The following WDHD1 variants were observed in gnomAD, a reference collection of about 807,000 sequenced individuals.
WDHD1 encodes the protein WD repeat and HMG-box DNA-binding protein 1.
Under a neutral mutation model 135.4 loss-of-function variants are expected in WDHD1, and 111 were observed. That is an observed-to-expected ratio of 0.82 (90% confidence interval 0.70 to 0.96). The LOEUF (loss-of-function observed/expected upper bound fraction) is 0.96, where lower values mean the gene tolerates loss of function less well. WDHD1 is among the 40% of genes least tolerant of loss of function. WDHD1 has a pLI of 0.00. For synonymous variants in WDHD1, 434 were observed against 439.0 expected (o/e 0.99, Z 0.14); for missense variants, 1,351 against 1,336.3 (o/e 1.01, Z -0.17).
At chr14:54,945,407 G>A (rs1358424269) in intron 24 of WDHD1, among the ~76,000 whole-genome samples, 1 of 152,182 alleles carries the variant, frequency 6.6e-6, no homozygotes, top group Non-Finnish European at 1.5e-5. Flanking sequence ...ATAACACTAT[G>A]AGATGGATAC....
At chr14:54,989,313 GT>G (rs1248199529) in intron 12 of WDHD1, 101 bp from the exon 13 acceptor site, 2 of 891,564 alleles carry the variant, frequency 2.2e-6, no homozygotes, top group African/African-American at 3.4e-5. Context: ...AATTAAATTT[GT>G]ATTAAGATTT....
chr14:54,981,781 G>T (rs928579113), intron 15 of WDHD1, 85 bp from the exon 16 acceptor site: 1 of 788,476 alleles, frequency 1.3e-6, no homozygotes, highest in Non-Finnish European at 1.9e-6. Context: ...ACATACCAAG[G>T]ATTCAACTTT....
At chr14:54,957,926 C>A (rs2041187217) in intron 21 of WDHD1, among the ~76,000 whole-genome samples, 1 of 152,120 alleles carries the variant, frequency 6.6e-6, no homozygotes, top group Non-Finnish European at 1.5e-5. Flanking sequence ...GGTTAGTAAT[C>A]CCTTTACTTG....
At chr14:54,943,274 C>G (rs551092379) in intron 25 of WDHD1, among the ~76,000 whole-genome samples, 2 of 152,192 alleles carry the variant, frequency 1.3e-5, no homozygotes, top group African/African-American at 2.4e-5. Flanking sequence ...GAACACCAGT[C>G]TTTTTCCCAA....
intron 15 of WDHD1, 114 bp downstream of exon 15, chr14:54,984,607 AAT>A (rs1187593364): frequency 3.1e-5 from 28 of 903,060 alleles, no homozygotes; most frequent in Admixed American, 4.0e-5. Flanking sequence ...TAAAATATAA[AAT>A]AGAGATAATT....
In WDHD1 at chr14:54,995,592, C is replaced by A; in HGVS notation, c.1153+11G>T. 3 of 1,575,006 alleles carry A rather than the reference C, an allele frequency of 1.9e-6. No homozygotes were observed. The South Asian group carries it at 3.5e-5, about 18-fold the overall frequency. On this transcript the variant is annotated intron_variant, in intron 11 of 25. Transcript: ENST00000360586. ...AACAGGGTAATCACATGCACAAAGT[C>A]AAATTCTTACCAACTGAGTTTTCAT...
Position 55,008,650 on chromosome 14 carries a change from G to A in WDHD1, c.411C>T (p.Ala137=). The part of the protein sequence containing the change: ...SQQKTFRGHD[A]PVLSLSFDPK... ...GATCAAAGGAAAGACTTAAAACAGG[G>A]GCATCATGTCCTCGAAATGTTTTCT... The change falls in exon 5 of 26, where the codon GCC becomes GCT. Residue 137 remains alanine (A), a synonymous_variant. Transcript: ENST00000360586. The A allele has an allele frequency of 5.6e-6, 9 of 1,612,734 alleles. No individual in the cohort carries two copies. The highest frequency in any genetic ancestry group is 7.6e-6 in the Non-Finnish European group (9 of 1,179,666).
Position 55,008,535 on chromosome 14 carries a change from TAG to T in WDHD1, c.453+71_453+72del, listed in dbSNP as rs879117666. ...AAAGTTGAGTTAGCAGAAAATTTTT[TAG>T]AGAGTTAGTAGGAAATATATTTTTA... On this transcript the variant is annotated intron_variant, in intron 5 of 25. Coordinates refer to ENST00000360586, the MANE Select transcript of WDHD1 (RefSeq NM_007086.4). 4.7e-5 allele frequency: 70 copies of T among 1,479,872 alleles called. 1 individual carries two copies. In the Middle Eastern group the frequency reaches 1.7e-3, roughly 35 times the overall value. The allele number at this position is 1,479,872 out of a possible 1,614,324, so 91.7% of individuals were successfully genotyped here. A position where few individuals can be genotyped will look rare whatever the true frequency, so the allele number is the denominator to read the frequency against.
chr14:54,957,211 A>G lies in WDHD1; in HGVS notation c.2746-7T>C, dbSNP rs1171361632. On this transcript the variant is annotated splice_polypyrimidine_tract_variant and splice_region_variant and intron_variant, in intron 22 of 25. Coordinates refer to ENST00000360586, the MANE Select transcript of WDHD1 (RefSeq NM_007086.4). ...CTTTGGAACTGGCTGATACCTAAAG[A>G]GCAAACTAGTGTTAGCACTGTATGT... 6.2e-7 allele frequency: 1 copy of G among 1,612,768 alleles called. No individual in the cohort carries two copies. Among genetic ancestry groups the G allele is most frequent in the South Asian group, 1.1e-5 (1 of 90,864 alleles).
chr14:54,943,731 C>A (rs2040874523), intron 25 of WDHD1, among the ~76,000 whole-genome samples: 4 of 151,998 alleles, frequency 2.6e-5, no homozygotes, highest in Non-Finnish European at 5.9e-5. Context: ...TGCATCTTTT[C>A]TTGGGGTATT....
chr14:55,005,011 A>C, intron 7 of WDHD1: 2 of 544,822 alleles, frequency 3.7e-6, no homozygotes, highest in Non-Finnish European at 7.2e-6. Context: ...GGAGTAGTCC[A>C]TTCACCCTGA....
At chr14:55,000,697 T>G in intron 9 of WDHD1, 53 bp from the exon 10 acceptor site, 1 of 1,377,654 alleles carries the variant, frequency 7.3e-7, no homozygotes, top group Non-Finnish European at 9.5e-7. Context: ...ATATAAATTG[T>G]ACATTTCTTT....
At chr14:54,997,070 G>T (rs1369740562) in intron 10 of WDHD1, among the ~76,000 whole-genome samples, 1 of 147,012 alleles carries the variant, frequency 6.8e-6, no homozygotes, top group Non-Finnish European at 1.5e-5. Flanking sequence ...GATTACAGGC[G>T]TGAGCCACAG....
At chr14:55,016,086 T>C (rs1032914562) in intron 2 of WDHD1, among the ~76,000 whole-genome samples, 1 of 152,234 alleles carries the variant, frequency 6.6e-6, no homozygotes, top group African/African-American at 2.4e-5. Flanking sequence ...TGGAAAATTA[T>C]AGTGAAATAT....
At chr14:55,003,051 A>G (rs895713744) in intron 7 of WDHD1, among the ~76,000 whole-genome samples, 2 of 152,206 alleles carry the variant, frequency 1.3e-5, no homozygotes, top group African/African-American at 4.8e-5. Flanking sequence ...AAAAAATAAA[A>G]CTGTGTATTC....
chr14:54,982,615 C>A (rs985009887), intron 15 of WDHD1, among the ~76,000 whole-genome samples: 1 of 152,130 alleles, frequency 6.6e-6, no homozygotes, highest in African/African-American at 2.4e-5. Context: ...TGGCTTCACA[C>A]CCCCCTCACT....
intron 16 of WDHD1, among the ~76,000 whole-genome samples, chr14:54,980,587 T>G (rs898458753): frequency 2.0e-5 from 3 of 151,232 alleles, no homozygotes; most frequent in Admixed American, 1.3e-4. Context: ...GTGGATCACT[T>G]GAGGTCAAGA....
intron 24 of WDHD1, among the ~76,000 whole-genome samples, chr14:54,948,594 G>A (rs549964230): frequency 5.3e-5 from 8 of 152,316 alleles, no homozygotes; most frequent in African/African-American, 1.7e-4. Context: ...GCCGAACAAA[G>A]GCAGCAGAAA....
chr14:54,960,451 A>G (rs1376443717), intron 21 of WDHD1, among the ~76,000 whole-genome samples: 3 of 151,884 alleles, frequency 2.0e-5, no homozygotes, highest in Non-Finnish European at 4.4e-5. Flanking sequence ...TACAGGTGTG[A>G]GCCACCACGC....
Sources: allele counts gnomAD v4.1 joint callset (sites outside exome capture counted in the v4.1 genomes callset), GRCh38; gene constraint gnomAD v4.1.1; transcripts MANE v1.5; gene names NCBI Gene and HGNC (gene_info 2026-07-23, HGNC 2026-07-21).